CNKSR3: variants seen among roughly 807,000 people sequenced by gnomAD.
CNKSR3 encodes CNKSR family member 3, also known as connector enhancer of kinase suppressor of ras 3.
CNKSR3 carries 36 observed loss-of-function variants against 67.7 expected under a neutral mutation model. The observed-to-expected ratio is 0.53, with a 90% CI of 0.41 to 0.70. The LOEUF is 0.70. CNKSR3 is among the 30% of genes least tolerant of loss of function. The pLI is 0.00. For missense variants in CNKSR3, 630 were observed against 695.2 expected, an observed-to-expected ratio of 0.91 and a Z score of 1.05; for synonymous variants, 281 against 271.4, an observed-to-expected ratio of 1.04 and a Z score of -0.35.
At chr6:154,407,171 G>A (rs1000744186) in intron 12 of CNKSR3, among the ~76,000 whole-genome samples, 4 of 152,142 alleles carry the variant, frequency 2.6e-5, no homozygotes, top group African/African-American at 9.7e-5. Context: ...CTGCTTTAGC[G>A]CCTGAGAGGT....
Position 154,395,600 on chromosome 6 carries a change from TTC to T in CNKSR3, c.*10752_*10753del, listed in dbSNP as rs1401684768. ...ATTACTTGAAAACTCAACTTTCTTG[TTC>T]TCAGACTTTTATTAATGCAGTTTGT... On this transcript the variant is annotated 3_prime_UTR_variant, in exon 13 of 13. Transcript: ENST00000607772. The T allele has an allele frequency of 1.3e-5, 2 of 152,214 alleles. No homozygotes were observed. The highest frequency in any genetic ancestry group is 4.8e-5 in the African/African-American group (2 of 41,446). 9.4% of individuals were successfully genotyped at this position (152,214 alleles called of 1,614,324 possible).
In CNKSR3 at chr6:154,391,106, C is replaced by T. The variant is rs994389858; in HGVS notation, c.*15248G>A. The T allele has an allele frequency of 3.9e-5, 6 of 152,206 alleles. No individual in the cohort carries two copies. Among genetic ancestry groups the T allele is most frequent in the African/African-American group, 1.2e-4 (5 of 41,432 alleles). 9.4% of individuals were successfully genotyped at this position (152,206 alleles called of 1,614,324 possible). Reference sequence around the variant, plus strand: ...GGGAGCCATCGCGCCCGGCCTGACGCCTCTTTCTTTAGTGTGTAGCTGGTT... The same window carrying T: ...GGGAGCCATCGCGCCCGGCCTGACGTCTCTTTCTTTAGTGTGTAGCTGGTT... On this transcript the variant is annotated 3_prime_UTR_variant, in exon 13 of 13. Transcript: ENST00000607772.
chr6:154,504,196 C>T (rs1787052745), intron 1 of CNKSR3, among the ~76,000 whole-genome samples: 1 of 152,092 alleles, frequency 6.6e-6, no homozygotes, highest in Non-Finnish European at 1.5e-5. Flanking sequence ...ACTAATTTAC[C>T]CAAGGAAAGC....
intron 1 of CNKSR3, among the ~76,000 whole-genome samples, chr6:154,456,226 T>C (rs1785951070): frequency 6.6e-6 from 1 of 152,074 alleles, no homozygotes; most frequent in African/African-American, 2.4e-5. Flanking sequence ...GAGCCCAGAG[T>C]GGTTCTTCCA....
chr6:154,482,540 C>T (rs1786585666), intron 1 of CNKSR3, among the ~76,000 whole-genome samples: 1 of 152,154 alleles, frequency 6.6e-6, no homozygotes, highest in South Asian at 2.1e-4. Context: ...TATAGTGATG[C>T]AGAGAAATCG....
intron 1 of CNKSR3, among the ~76,000 whole-genome samples, chr6:154,468,636 C>T (rs1786260873): frequency 6.6e-6 from 1 of 152,096 alleles, no homozygotes; most frequent in African/African-American, 2.4e-5. Context: ...GCAGTATCTT[C>T]TCCACCTCCT....
At position 154,441,290 on chromosome 6, in the gene CNKSR3, A is replaced by ACCT; in HGVS notation, c.506_507+1dup. On this transcript the variant is annotated splice_donor_variant, in intron 4 of 12. Transcript: ENST00000607772. LOFTEE classifies it high-confidence loss of function. ...AGAAAGTGAAAATGACATACTACTG[A>ACCT]CCTTCTGGACTGTAGTGGTCAGGTC... 6.5e-7 allele frequency: 1 copy of ACCT among 1,526,822 alleles called. No individual in the cohort carries two copies. The allele number at this position is 1,526,822 out of a possible 1,614,324, so 94.6% of individuals were successfully genotyped here. A position where few individuals can be genotyped will look rare whatever the true frequency, so the allele number is the denominator to read the frequency against.
At position 154,401,114 on chromosome 6, in the gene CNKSR3, A is replaced by G. The variant is rs1333295292; in HGVS notation, c.*5240T>C. 6.6e-6 allele frequency: 1 copy of G among 152,150 alleles called. No homozygotes were observed. Among genetic ancestry groups the G allele is most frequent in the Non-Finnish European group, 1.5e-5 (1 of 68,026 alleles). The allele number at this position is 152,150 out of a possible 1,614,324, so 9.4% of individuals were successfully genotyped here. On this transcript the variant is annotated 3_prime_UTR_variant, in exon 13 of 13. Coordinates refer to ENST00000607772, the MANE Select transcript of CNKSR3 (RefSeq NM_173515.4). Reference sequence around the variant, plus strand: ...TTTTAAAATAGATTTTAAAATATTCACCTTCCAGCTGATTAGCATGAAAGG... The same window carrying G: ...TTTTAAAATAGATTTTAAAATATTCGCCTTCCAGCTGATTAGCATGAAAGG...
At chr6:154,413,922 A>G (rs1562320350) in intron 10 of CNKSR3, among the ~76,000 whole-genome samples, 1 of 151,664 alleles carries the variant, frequency 6.6e-6, no homozygotes, top group Admixed American at 6.6e-5. Flanking sequence ...TAATTTTTGT[A>G]TTTTTTTATA....
At chr6:154,485,005 C>T (rs537920966) in intron 1 of CNKSR3, among the ~76,000 whole-genome samples, 1 of 152,302 alleles carries the variant, frequency 6.6e-6, no homozygotes, top group Admixed American at 6.5e-5. Flanking sequence ...TTCTCAGACA[C>T]CAAGACTGCC....
At chr6:154,446,313 T>A (rs551878122) in intron 2 of CNKSR3, among the ~76,000 whole-genome samples, 2 of 152,320 alleles carry the variant, frequency 1.3e-5, no homozygotes, top group South Asian at 4.2e-4. Context: ...TCTCCATTCC[T>A]ACTAGCTCTG....
chr6:154,444,500 A>G (rs1011626858), intron 2 of CNKSR3, among the ~76,000 whole-genome samples: 3 of 152,214 alleles, frequency 2.0e-5, no homozygotes, highest in Non-Finnish European at 4.4e-5. Context: ...CAAGATGGAC[A>G]TTAGACAAGA....
Position 154,510,043 on chromosome 6 carries a change from C to G in CNKSR3, c.52+20G>C, listed in dbSNP as rs201034043. On this transcript the variant is annotated intron_variant, in intron 1 of 12. Coordinates refer to ENST00000607772, the MANE Select transcript of CNKSR3 (RefSeq NM_173515.4). Reference sequence around the variant, plus strand: ...ATCCCCGAGGCTGGAGGACTCCGGACCCCCCCAAGGCCCGCGCACCTCTAG... The same window carrying G: ...ATCCCCGAGGCTGGAGGACTCCGGAGCCCCCCAAGGCCCGCGCACCTCTAG... 4 of 1,612,724 alleles carry G rather than the reference C, an allele frequency of 2.5e-6. No homozygotes were observed. The African/African-American group carries it at 5.3e-5, about 22-fold the overall frequency.
chr6:154,452,355 A>G (rs1785855388), intron 1 of CNKSR3, among the ~76,000 whole-genome samples: 1 of 152,208 alleles, frequency 6.6e-6, no homozygotes. Context: ...AGGTCTAACA[A>G]CAAGACAGTT....
Position 154,403,880 on chromosome 6 carries a change from G to T in CNKSR3, c.*2474C>A, listed in dbSNP as rs1308783597. ...AAAAAGAGCTCACCAGCCAGCTAAG[G>T]CCTCCAGAGTGATTTAACTCATCAT... On this transcript the variant is annotated 3_prime_UTR_variant, in exon 13 of 13. Transcript: ENST00000607772. The T allele has an allele frequency of 6.6e-6, 1 of 152,166 alleles. No individual in the cohort carries two copies. Among genetic ancestry groups the T allele is most frequent in the Non-Finnish European group, 1.5e-5 (1 of 68,046 alleles). 9.4% of individuals were successfully genotyped at this position (152,166 alleles called of 1,614,324 possible). A position where few individuals can be genotyped will look rare whatever the true frequency, so the allele number is the denominator to read the frequency against.
At chr6:154,447,313 T>G (rs9384221) in intron 2 of CNKSR3, among the ~76,000 whole-genome samples, 9,674 of 152,212 alleles carry the variant, frequency 0.064, 449 homozygotes, top group East Asian at 0.22. Context: ...GAACTGAATT[T>G]TTTTTTTATT....
At chr6:154,428,920 T>C (rs753656318) in intron 6 of CNKSR3, among the ~76,000 whole-genome samples, 8 of 152,202 alleles carry the variant, frequency 5.3e-5, no homozygotes, top group Non-Finnish European at 1.0e-4. Flanking sequence ...TTAAAGCTAC[T>C]AATAATCCAG....
At chr6:154,449,396 C>T (rs9479860) in intron 2 of CNKSR3, among the ~76,000 whole-genome samples, 108,250 of 152,094 alleles carry the variant, frequency 0.71, 38,970 homozygotes, top group East Asian at 0.9. Context: ...GATCTCTGCT[C>T]ACTGCAGCCT....
At chr6:154,486,248 A>G (rs1304030756) in intron 1 of CNKSR3, among the ~76,000 whole-genome samples, 2 of 151,736 alleles carry the variant, frequency 1.3e-5, no homozygotes, top group African/African-American at 4.8e-5. Flanking sequence ...CCTCGACAGC[A>G]TGACATTTAA....
Sources: allele counts gnomAD v4.1 joint callset (sites outside exome capture counted in the v4.1 genomes callset), GRCh38; gene constraint gnomAD v4.1.1; transcripts MANE v1.5; gene names NCBI Gene and HGNC (gene_info 2026-07-23, HGNC 2026-07-21).